The following ABCA2 variants were observed in gnomAD, a reference collection of about 807,000 sequenced individuals.
The protein encoded by ABCA2 is ATP-binding cassette sub-family A member 2.
A neutral mutation model predicts 262.8 loss-of-function variants in ABCA2; 84 were observed. The ratio of observed to expected loss-of-function variants is 0.32; its 90% CI spans 0.27 to 0.38. The LOEUF (loss-of-function observed/expected upper bound fraction) is 0.38. ABCA2 is among the 10% of genes least tolerant of loss of function. ABCA2 has a pLI of 1.00. For missense variants in ABCA2, 2,662 were observed against 3,405.9 expected, an observed-to-expected ratio of 0.78 and a Z score of 5.44; for synonymous variants, 1,696 against 1,502.9, an observed-to-expected ratio of 1.13 and a Z score of -2.97.
chr9:137,009,207 TCCTCCCCTGGCC>T, intron 45 of ABCA2, 151 bp downstream of exon 45: 1 of 690,372 alleles, frequency 1.4e-6, no homozygotes. Context: ...CCCTCCAGGC[TCCTCCCCTGGCC>T]CCACTGCCCC....
At chr9:137,025,862 G>C (rs964700862) in intron 1 of ABCA2, among the ~76,000 whole-genome samples, 2 of 152,224 alleles carry the variant, frequency 1.3e-5, no homozygotes, top group African/African-American at 4.8e-5. Context: ...CAGGCGGCGG[G>C]CGCCACAGCA....
rs1379685380 is a variant in ABCA2 at position 137,017,189 on chromosome 9, C to T, written c.2553+7G>A. The stretch of plus-strand genomic sequence containing the variant: ...ACCCCAGCCGCCCGCCTGCCCGCGA[C>T]CCTCACCGCGATGCACTTCTCGAAG... On this transcript the variant is annotated splice_region_variant and intron_variant, in intron 18 of 48. Coordinates refer to ENST00000341511, the MANE Select transcript of ABCA2 (RefSeq NM_001606.5). 2 of 1,612,122 alleles carry T rather than the reference C, an allele frequency of 1.2e-6. No homozygotes were observed. Among genetic ancestry groups the T allele is most frequent in the Non-Finnish European group, 1.7e-6 (2 of 1,179,646 alleles).
At chr9:137,010,451 C>G in intron 40 of ABCA2, 80 bp from the exon 41 acceptor site, 1 of 1,505,220 alleles carries the variant, frequency 6.6e-7, no homozygotes, top group Non-Finnish European at 8.9e-7. Flanking sequence ...AGACCCTGCC[C>G]CACCTCCAGA....
chr9:137,010,070 A>G lies in ABCA2; in HGVS notation c.6408T>C (p.Cys2136=), dbSNP rs2131428833. 6.2e-7 allele frequency: 1 copy of G among 1,600,838 alleles called. No individual in the cohort carries two copies. Among genetic ancestry groups the G allele is most frequent in the Non-Finnish European group, 8.5e-7 (1 of 1,177,450 alleles). The change falls in exon 42 of 49, where the codon TGT becomes TGC. Residue 2136 remains cysteine, a synonymous_variant. Transcript: ENST00000341511. ...CCGTGAGCTCGTCGAACAGCGCGTC[A>G]CACTGCGGGCAGTAGCCGAGGCTCT... is the stretch of plus-strand genomic sequence containing the variant. The part of the protein sequence containing the change: ...VQQSLGYCPQ[C]DALFDELTAR...
In ABCA2 at chr9:137,014,413, G is replaced by A; in HGVS notation, c.4004-9C>T. On this transcript the variant is annotated splice_polypyrimidine_tract_variant and intron_variant, in intron 26 of 48. Transcript: ENST00000341511. ...CCTGGACTCCTTCACATCTGCCGCA[G>A]TGGAAGGGCCGAGGGGACACTCAGG... 4 of 1,579,794 alleles carry A rather than the reference G, an allele frequency of 2.5e-6. No homozygotes were observed. Among genetic ancestry groups the A allele is most frequent in the South Asian group, 2.3e-5 (2 of 86,944 alleles).
chr9:137,019,075 G>A lies in ABCA2; in HGVS notation c.1555-5C>T, dbSNP rs1265690693. 6.2e-7 allele frequency: 1 copy of A among 1,606,506 alleles called. No homozygotes were observed. The highest frequency in any genetic ancestry group is 8.5e-7 in the Non-Finnish European group (1 of 1,175,160). ...CAGCCGCAGCTCTGCTACATACTTG[G>A]GGTGGAGGGGCGGCTCAGAGGGGGA... is the stretch of plus-strand genomic sequence containing the variant. On this transcript the variant is annotated splice_region_variant and splice_polypyrimidine_tract_variant and intron_variant, in intron 11 of 48. Transcript: ENST00000341511. The surrounding 1 kb of genome is among the most constrained non-coding windows in gnomAD (Gnocchi z 4.4).
rs1319668238 is a variant in ABCA2, at chr9:137,028,189, C to CGCCCCGCCGG, written c.-59_-50dup. 3.1e-5 allele frequency: 30 copies of CGCCCCGCCGG among 980,206 alleles called. No individual in the cohort carries two copies. The highest frequency in any genetic ancestry group is 3.4e-5 in the Non-Finnish European group (28 of 827,864). 60.7% of individuals were successfully genotyped at this position (980,206 alleles called of 1,614,324 possible). The stretch of plus-strand genomic sequence containing the variant: ...CAGCGCCGCGGCCCGCTCCTCTGCG[C>CGCCCCGCCGG]GCCCCGCCGGGCCCCGCAGCCCGCC... On this transcript the variant is annotated 5_prime_UTR_variant, in exon 1 of 49. It removes the in-frame stop codon of an upstream open reading frame in the 5' UTR. Coordinates refer to ENST00000341511, the MANE Select transcript of ABCA2 (RefSeq NM_001606.5). The surrounding 1 kb of genome is among the most constrained non-coding windows in gnomAD (Gnocchi z 6.9).
rs556418656 is a variant in ABCA2 at position 137,021,405 on chromosome 9, T to C, written c.884A>G (p.Lys295Arg). The C allele has an allele frequency of 4.3e-5, 69 of 1,608,086 alleles. No individual in the cohort carries two copies. In the East Asian group the frequency reaches 1.4e-3, roughly 34 times the overall value. The change falls in exon 8 of 49, where the codon AAG (lysine) becomes AGG (arginine). Residue 295 changes from lysine (K) to arginine (R), a missense_variant. Lys to Arg is a conservative substitution (Grantham distance 26). Coordinates refer to ENST00000341511, the MANE Select transcript of ABCA2 (RefSeq NM_001606.5). The surrounding 1 kb of genome is among the most constrained non-coding windows in gnomAD (Gnocchi z 6.0). ...AELRNQLDVA[K>R]VSQQLGLDAP... ...GCAGGGCCTCACCTGCTGGGAGACCTTGGCCACGTCCAGCTGGTTCCGGAG... is the reference window on the plus strand; with the variant it reads ...GCAGGGCCTCACCTGCTGGGAGACCCTGGCCACGTCCAGCTGGTTCCGGAG...
At position 137,018,732 on chromosome 9, in the gene ABCA2, G is replaced by A; in HGVS notation, c.1806C>T (p.Val602=). 6.2e-7 allele frequency: 1 copy of A among 1,611,546 alleles called. No individual in the cohort carries two copies. The highest frequency in any genetic ancestry group is 1.8e-4 in the Middle Eastern group (1 of 5,448). The part of the protein sequence containing the change: ...YTLNQAYQDN[V]TVFASVIFQT... ...AGGGCAGCTCACTGGCAAAAACAGT[G>A]ACGTTGTCCTGGTAGGCCTGGTTGA... The change falls in exon 13 of 49, where the codon GTC becomes GTT. Residue 602 remains valine (V), a synonymous_variant. Coordinates refer to ENST00000341511, the MANE Select transcript of ABCA2 (RefSeq NM_001606.5).
At position 137,014,387 on chromosome 9, in the gene ABCA2, T is replaced by G; in HGVS notation, c.4021A>C (p.Lys1341Gln). The G allele has an allele frequency of 6.3e-7, 1 of 1,592,604 alleles. No homozygotes were observed. The highest frequency in any genetic ancestry group is 1.1e-5 in the South Asian group (1 of 88,056). Residue 1341 changes from lysine to glutamine, a missense_variant, in exon 27 of 49, where the codon AAG becomes CAG. Lys to Gln is a moderately conservative substitution (Grantham distance 53). Coordinates refer to ENST00000341511, the MANE Select transcript of ABCA2 (RefSeq NM_001606.5). ...CCCTCCGCCCCAGGGAGCACATCCT[T>G]CCTGGACTCCTTCACATCTGCCGCA... is the stretch of plus-strand genomic sequence containing the variant. ...NSEADVKESR[K>Q]DVLPGAEGPA...
rs1403526014 is a variant in ABCA2, at chr9:137,020,720, C to T, written c.1239G>A (p.Leu413=). 3 of 1,600,920 alleles carry T rather than the reference C, an allele frequency of 1.9e-6. No individual in the cohort carries two copies. The highest frequency in any genetic ancestry group is 2.5e-6 in the Non-Finnish European group (3 of 1,179,368). The part of the protein sequence containing the change: ...CSAFVQLWAG[L]QPILCGNNRT... Reference sequence around the variant, plus strand: ...GGTTGTTGCCACACAAGATGGGCTGCAGGCCGGCCCAGAGCTGTACGAAGG... The same window carrying T: ...GGTTGTTGCCACACAAGATGGGCTGTAGGCCGGCCCAGAGCTGTACGAAGG... Residue 413 remains leucine (L), a synonymous_variant, in exon 9 of 49, where the codon CTG becomes CTA. Coordinates refer to ENST00000341511, the MANE Select transcript of ABCA2 (RefSeq NM_001606.5).
Position 137,021,769 on chromosome 9 carries a change from C to T in ABCA2, c.678+122G>A, listed in dbSNP as rs992733152. ...TCATGCCTGCCATAGACCCCTGGGACCCTCCCCCTCTCCCAGGAGGAGCTC... is the reference window on the plus strand; with the variant it reads ...TCATGCCTGCCATAGACCCCTGGGATCCTCCCCCTCTCCCAGGAGGAGCTC... On this transcript the variant is annotated intron_variant, in intron 7 of 48. Coordinates refer to ENST00000341511, the MANE Select transcript of ABCA2 (RefSeq NM_001606.5). The surrounding 1 kb of genome is among the most constrained non-coding windows in gnomAD (Gnocchi z 6.0). 31 of 1,240,432 alleles carry T rather than the reference C, an allele frequency of 2.5e-5. No homozygotes were observed. The African/African-American group carries it at 4.3e-4, about 17-fold the overall frequency. The allele number at this position is 1,240,432 out of a possible 1,614,324, so 76.8% of individuals were successfully genotyped here. A position where few individuals can be genotyped will look rare whatever the true frequency, so the allele number is the denominator to read the frequency against.
Position 137,010,321 on chromosome 9 carries a change from G to A in ABCA2, c.6225C>T (p.Cys2075=). ...AGCACTCGCCAGGACGCACACCCAG[G>A]CACAGGCGGTCAACGGCCAGGATAC... ...IGRILAVDRL[C]LGVRPGECFG... The change falls in exon 41 of 49, where the codon TGC becomes TGT. Residue 2075 remains cysteine (C), a synonymous_variant. Coordinates refer to ENST00000341511, the MANE Select transcript of ABCA2 (RefSeq NM_001606.5). 1 of 1,588,668 alleles carries A rather than the reference G, an allele frequency of 6.3e-7. No individual in the cohort carries two copies. Among genetic ancestry groups the A allele is most frequent in the South Asian group, 1.1e-5 (1 of 87,558 alleles).
rs753639108 is a variant in ABCA2 at position 137,009,323 on chromosome 9, C to T, written c.6827+47G>A. The stretch of plus-strand genomic sequence containing the variant: ...ACTCCTGGCCCCGCTGCCTGGCCGC[C>T]CCCCCCGGGCCCGCCCCAGCCCACC... On this transcript the variant is annotated intron_variant, in intron 45 of 48. Transcript: ENST00000341511. 1.4e-5 allele frequency: 15 copies of T among 1,057,034 alleles called. 1 individual carries two copies. The highest frequency in any genetic ancestry group is 1.1e-4 in the Admixed American group (5 of 46,412). 65.5% of individuals were successfully genotyped at this position (1,057,034 alleles called of 1,614,324 possible). A position where few individuals can be genotyped will look rare whatever the true frequency, so the allele number is the denominator to read the frequency against.
chr9:137,022,060 G>C lies in ABCA2; in HGVS notation c.568-59C>G, dbSNP rs532375475. On this transcript the variant is annotated intron_variant, in intron 6 of 48. Coordinates refer to ENST00000341511, the MANE Select transcript of ABCA2 (RefSeq NM_001606.5). ...GTGGGGGGCGTGGCTCAGATGGTGG[G>C]GGCGTGGCTCCGATGGACGTGTGGG... is the stretch of plus-strand genomic sequence containing the variant. 25 of 313,628 alleles carry C rather than the reference G, an allele frequency of 8.0e-5. No homozygotes were observed. In the East Asian group the frequency reaches 2.0e-3, roughly 25 times the overall value. 19.4% of individuals were successfully genotyped at this position (313,628 alleles called of 1,614,324 possible). A position where few individuals can be genotyped will look rare whatever the true frequency, so the allele number is the denominator to read the frequency against.
Position 137,014,544 on chromosome 9 carries a change from A to G in ABCA2, c.4004-140T>C, listed in dbSNP as rs1026775272. 10 of 1,457,502 alleles carry G rather than the reference A, an allele frequency of 6.9e-6. No individual in the cohort carries two copies. The Admixed American group carries it at 1.1e-4, about 16-fold the overall frequency. The allele number at this position is 1,457,502 out of a possible 1,614,324, so 90.3% of individuals were successfully genotyped here. A position where few individuals can be genotyped will look rare whatever the true frequency, so the allele number is the denominator to read the frequency against. ...CTCTGGCCACCAGGACCACCCACCT[A>G]GGACCGCAGGCTAACCCCGGGGCGT... On this transcript the variant is annotated intron_variant, in intron 26 of 48. Transcript: ENST00000341511.
In ABCA2 at chr9:137,017,978, G is replaced by A. The variant is rs749784451; in HGVS notation, c.2091C>T (p.Arg697=). ...CCCGGGCGCCCAGCACTCACTCATC[G>A]CGTGTGTAGCAGGGGTAGGGGAACA... The part of the protein sequence containing the change: ...VQMFPYPCYT[R]DDFLFVIEHM... Residue 697 remains arginine (R), a synonymous_variant, in exon 15 of 49, where the codon CGC becomes CGT. Coordinates refer to ENST00000341511, the MANE Select transcript of ABCA2 (RefSeq NM_001606.5). The A allele has an allele frequency of 8.1e-5, 130 of 1,612,590 alleles. No individual in the cohort carries two copies. Among genetic ancestry groups the A allele is most frequent in the Non-Finnish European group, 1.0e-4 (118 of 1,179,954 alleles).
chr9:137,024,362 A>G, intron 1 of ABCA2, 126 bp from the exon 2 acceptor site: 1 of 761,696 alleles, frequency 1.3e-6, no homozygotes, highest in East Asian at 2.7e-5. Flanking sequence ...GAAGGTGGGC[A>G]CAGGCCCTTC....
In ABCA2 at chr9:137,021,038, G is replaced by A. The variant is rs1588524507; in HGVS notation, c.921C>T (p.Gly307=). 7 of 1,480,846 alleles carry A rather than the reference G, an allele frequency of 4.7e-6. No individual in the cohort carries two copies. In the East Asian group the frequency reaches 1.2e-4, roughly 26 times the overall value. The allele number at this position is 1,480,846 out of a possible 1,614,324, so 91.7% of individuals were successfully genotyped here. ...GTGGCGCCTGTGGCGAGGAGTCCGA[G>A]CCGTTGGGGGCATCCAGGCCCAGCT... The part of the protein sequence containing the change: ...SQQLGLDAPN[G]SDSSPQAPPP... The change falls in exon 9 of 49, where the codon GGC becomes GGT. Residue 307 remains glycine, a synonymous_variant. Coordinates refer to ENST00000341511, the MANE Select transcript of ABCA2 (RefSeq NM_001606.5). This position sits in a 1 kb window ranked among gnomAD's most constrained non-coding sequence, Gnocchi z 6.0.
Sources: allele counts gnomAD v4.1 joint callset (sites outside exome capture counted in the v4.1 genomes callset), GRCh38; gene constraint gnomAD v4.1.1; non-coding constraint Gnocchi (gnomAD v3.1); transcripts MANE v1.5; gene names NCBI Gene and HGNC (gene_info 2026-07-23, HGNC 2026-07-21).